Variants in ALMS1 observed in about 807,000 individuals in gnomAD.
The protein encoded by ALMS1 is centrosome-associated protein ALMS1.
Under a neutral mutation model 352.2 loss-of-function variants are expected in ALMS1, and 271 were observed. The observed-to-expected ratio is 0.77, with a 90% confidence interval of 0.70 to 0.85. The LOEUF (loss-of-function observed/expected upper bound fraction) is 0.85. Among genes scored for constraint, ALMS1 ranks in the 40% least tolerant of loss-of-function variants. The probability of loss-of-function intolerance (pLI) is 0.00; values close to 1 mark genes in which losing one functional copy is unlikely to be tolerated. For synonymous variants in ALMS1, 1,865 were observed against 1,761.2 expected (o/e 1.06, Z -1.48); for missense variants, 5,445 against 4,870.7 (o/e 1.12, Z -3.51).
In ALMS1 at chr2:73,602,215, A is replaced by G. The variant is rs762025419; in HGVS notation, c.12145A>G (p.Ile4049Val). 1.9e-6 allele frequency: 3 copies of G among 1,613,826 alleles called. No homozygotes were observed. Among genetic ancestry groups the G allele is most frequent in the Non-Finnish European group, 2.5e-6 (3 of 1,179,936 alleles). Residue 4049 changes from isoleucine to valine, a missense_variant, in exon 20 of 23, where the codon ATC becomes GTC. Ile to Val is a conservative substitution (Grantham distance 29, BLOSUM62 3). Transcript: ENST00000613296. ...GCTTCAGTTTCACAGACCTGACTTC[A>G]TCTCCCGCTCTGGGGAGCGGATAAA... Reference protein sequence around the residue: ...ESLQFHRPDFISRSGERIKRL... With the variant: ...ESLQFHRPDFVSRSGERIKRL...
chr2:73,534,583 G>T (rs960117149), intron 11 of ALMS1, among the ~76,000 whole-genome samples: 1 of 151,938 alleles, frequency 6.6e-6, no homozygotes, highest in Non-Finnish European at 1.5e-5. Flanking sequence ...TATTTTCCCT[G>T]TATCACTTAT....
intron 16 of ALMS1, among the ~76,000 whole-genome samples, chr2:73,597,912 G>C (rs946991566): frequency 4.6e-5 from 7 of 152,026 alleles, no homozygotes; most frequent in Admixed American, 4.6e-4. Context: ...GATCCTGACA[G>C]AGGCCCTCTC....
rs548361422 is a variant in ALMS1, at chr2:73,465,582, A to G, written c.7674+10287A>G. ...CCATTCAGGACATAGGCATGGGCAA[A>G]GACTTCATGTCTAAAACACCAAAAG... is the stretch of plus-strand genomic sequence containing the variant. On this transcript the variant is annotated intron_variant, in intron 9 of 22. Transcript: ENST00000613296. 1.4e-3 allele frequency among the ~76,000 whole-genome samples: 211 copies of G among 152,256 alleles called. 5 individuals are homozygous for G. The South Asian group carries it at 0.02, about 15-fold the overall frequency.
chr2:73,474,987 G>A (rs1342641974), intron 9 of ALMS1, among the ~76,000 whole-genome samples: 1 of 152,102 alleles, frequency 6.6e-6, no homozygotes, highest in Non-Finnish European at 1.5e-5. Flanking sequence ...TATATAAACA[G>A]AATTGTAATG....
chr2:73,386,208 G>T lies in ALMS1; in HGVS notation c.324+16G>T, dbSNP rs1276086207. Reference sequence around the variant, plus strand: ...CCTGGAGAAGGTGAGGCGGGCCGGGGAGGGGTGTGGAGCCGCGGCGAGTTG... The same window carrying T: ...CCTGGAGAAGGTGAGGCGGGCCGGGTAGGGGTGTGGAGCCGCGGCGAGTTG... On this transcript the variant is annotated intron_variant, in intron 1 of 22. Transcript: ENST00000613296. The T allele has an allele frequency of 1.3e-6, 2 of 1,514,820 alleles. No homozygotes were observed. The highest frequency in any genetic ancestry group is 1.8e-6 in the Non-Finnish European group (2 of 1,128,082). The allele number at this position is 1,514,820 out of a possible 1,614,324, so 93.8% of individuals were successfully genotyped here. A position where few individuals can be genotyped will look rare whatever the true frequency, so the allele number is the denominator to read the frequency against.
chr2:73,478,475 G>A (rs1447631561), intron 9 of ALMS1, among the ~76,000 whole-genome samples: 1 of 152,106 alleles, frequency 6.6e-6, no homozygotes, highest in Non-Finnish European at 1.5e-5. Context: ...ATACTTTTAA[G>A]AGGCTGGAAT....
rs573687670 is a variant in ALMS1, at chr2:73,603,410, A to C, written c.12362+106A>C. The C allele has an allele frequency of 2.3e-5, 23 of 1,019,306 alleles. No homozygotes were observed. The East Asian group carries it at 5.7e-4, about 25-fold the overall frequency. 63.1% of individuals were successfully genotyped at this position (1,019,306 alleles called of 1,614,324 possible). A position where few individuals can be genotyped will look rare whatever the true frequency, so the allele number is the denominator to read the frequency against. On this transcript the variant is annotated intron_variant, in intron 21 of 22. Coordinates refer to ENST00000613296, the MANE Select transcript of ALMS1 (RefSeq NM_001378454.1). ...ATAAATGTATTATACTCAAGTTTAA[A>C]CATTATGAGAAAGTTGTGAGAGTCA...
rs1671925134 is a variant in ALMS1 at position 73,450,986 on chromosome 2, AAAC to A, written c.4461_4463del (p.Gln1488del). 1.2e-6 allele frequency: 2 copies of A among 1,612,978 alleles called. No homozygotes were observed. Among genetic ancestry groups the A allele is most frequent in the African/African-American group, 2.7e-5 (2 of 74,530 alleles). ...TGGAGAGAAGCCCATTGTTATCTACAAACAGGCCTTTCCAGAGGGTCATCTACC... is the reference window on the plus strand; with the variant it reads ...TGGAGAGAAGCCCATTGTTATCTACAAGGCCTTTCCAGAGGGTCATCTACC... On this transcript the variant is annotated inframe_deletion, in exon 8 of 23. Coordinates refer to ENST00000613296, the MANE Select transcript of ALMS1 (RefSeq NM_001378454.1).
At chr2:73,470,872 G>GT (rs1672451906) in intron 9 of ALMS1, 1 of 151,624 alleles carries the variant, frequency 6.6e-6, no homozygotes, top group Admixed American at 6.6e-5. Context: ...TCTTGGGATG[G>GT]TTTTTTATTT....
intron 9 of ALMS1, among the ~76,000 whole-genome samples, chr2:73,466,069 A>G (rs1024758237): frequency 2.0e-5 from 3 of 152,334 alleles, no homozygotes; most frequent in Middle Eastern, 3.4e-3. Flanking sequence ...TGTGGAAGTC[A>G]GTGTGTCGAT....
intron 13 of ALMS1, 81 bp downstream of exon 13, chr2:73,550,518 T>C (rs1674407329): frequency 2.6e-6 from 4 of 1,521,188 alleles, no homozygotes; most frequent in Non-Finnish European, 1.8e-6. Context: ...ATCTTTATCC[T>C]TTTTTTCTGT....
At chr2:73,427,410 C>G (rs1234779446) in intron 6 of ALMS1, among the ~76,000 whole-genome samples, 1 of 152,026 alleles carries the variant, frequency 6.6e-6, no homozygotes, top group Non-Finnish European at 1.5e-5. Flanking sequence ...TCTCTTCCCT[C>G]TCTCTATTTA....
intron 7 of ALMS1, among the ~76,000 whole-genome samples, chr2:73,439,986 T>A (rs1327576360): frequency 6.6e-6 from 1 of 152,126 alleles, no homozygotes. Context: ...TTAAAAATTA[T>A]TTATTTATTT....
At chr2:73,472,477 A>C (rs1672487646) in intron 9 of ALMS1, among the ~76,000 whole-genome samples, 1 of 152,106 alleles carries the variant, frequency 6.6e-6, no homozygotes, top group Non-Finnish European at 1.5e-5. Flanking sequence ...TGTTATGCAT[A>C]TAAAACATTT....
At chr2:73,530,126 C>T (rs1464972135) in intron 11 of ALMS1, among the ~76,000 whole-genome samples, 1 of 152,090 alleles carries the variant, frequency 6.6e-6, no homozygotes, top group African/African-American at 2.4e-5. Context: ...CATGCCTTCC[C>T]AATAGTCCCC....
chr2:73,424,400 A>G, intron 4 of ALMS1, 30 bp from the exon 5 acceptor site: 1 of 1,337,186 alleles, frequency 7.5e-7, no homozygotes, highest in Non-Finnish European at 1.0e-6. Flanking sequence ...AATGTTATTT[A>G]TTTATTTATT....
At chr2:73,395,594 G>A (rs1670744722) in intron 1 of ALMS1, among the ~76,000 whole-genome samples, 1 of 151,980 alleles carries the variant, frequency 6.6e-6, no homozygotes, top group African/African-American at 2.4e-5. Flanking sequence ...TGGGTTATTC[G>A]TTGTAGATGT....
intron 7 of ALMS1, among the ~76,000 whole-genome samples, chr2:73,440,533 C>CGT (rs1183138419): frequency 6.6e-6 from 1 of 152,046 alleles, no homozygotes; most frequent in Non-Finnish European, 1.5e-5. Context: ...AGGCAATTCT[C>CGT]GTGTCTCAGC....
intron 10 of ALMS1, among the ~76,000 whole-genome samples, chr2:73,502,495 A>C (rs979888709): frequency 6.6e-6 from 1 of 152,090 alleles, no homozygotes; most frequent in Admixed American, 6.6e-5. Context: ...CTATTCCTGG[A>C]GGGCAGGAGA....
Sources: gnomAD v4.1 joint callset for allele counts (sites outside exome capture counted in the v4.1 genomes callset) on GRCh38, gnomAD v4.1.1 for gene constraint, MANE v1.5 for transcripts, NCBI Gene and HGNC (gene_info 2026-07-23, HGNC 2026-07-21) for gene names.